CCDC83: variants seen among roughly 807,000 people sequenced by gnomAD.
CCDC83 encodes coiled-coil domain-containing protein 83.
CCDC83 carries 54 observed loss-of-function variants against 50.1 expected under a neutral mutation model. That is an observed-to-expected ratio of 1.08 (90% CI 0.87 to 1.35). The LOEUF is 1.35. Among genes scored for constraint, CCDC83 ranks in the 40% most tolerant of loss-of-function variants. The probability of loss-of-function intolerance (pLI) is 0.00; values close to 1 mark genes in which losing one functional copy is unlikely to be tolerated. For missense variants in CCDC83, 518 were observed against 473.9 expected, an observed-to-expected ratio of 1.09 and a Z score of -0.86; for synonymous variants, 161 against 153.3, an observed-to-expected ratio of 1.05 and a Z score of -0.37.
intron 7 of CCDC83, among the ~76,000 whole-genome samples, chr11:85,904,438 A>G (rs769706926): frequency 2.0e-5 from 3 of 152,308 alleles, no homozygotes; most frequent in Admixed American, 6.5e-5. Context: ...ATCTAGCCCA[A>G]TCTACCCTTC....
chr11:85,860,501 T>G (rs1238863701), intron 1 of CCDC83, among the ~76,000 whole-genome samples: 2 of 152,084 alleles, frequency 1.3e-5, no homozygotes, highest in Admixed American at 1.3e-4. Flanking sequence ...CAACAGATGC[T>G]GGTGAGGTTT....
intron 1 of CCDC83, among the ~76,000 whole-genome samples, chr11:85,862,666 T>C (rs1005058423): frequency 8.5e-5 from 13 of 152,194 alleles, no homozygotes; most frequent in Non-Finnish European, 1.6e-4. Flanking sequence ...TGCTTTTACT[T>C]TGTGAATATT....
intron 7 of CCDC83, among the ~76,000 whole-genome samples, chr11:85,909,063 A>G (rs2093440103): frequency 6.6e-6 from 1 of 152,224 alleles, no homozygotes. Context: ...TCTCTCAAGT[A>G]GTGGGGACTA....
Position 85,864,063 on chromosome 11 carries a change from A to G in CCDC83, c.-28-1033A>G, listed in dbSNP as rs567913148. ...AAGTAACCTATTCAGGGTCACAGAG[A>G]TAACAGTGATGGATCTAGGATTAAA... On this transcript the variant is annotated intron_variant, in intron 1 of 10. Transcript: ENST00000342404. 8.5e-5 allele frequency among the ~76,000 whole-genome samples: 13 copies of G among 152,336 alleles called. 1 individual carries two copies. The highest frequency in any genetic ancestry group is 7.7e-4 in the East Asian group (4 of 5,188).
chr11:85,911,335 G>T lies in CCDC83; in HGVS notation c.727G>T (p.Glu243Ter), dbSNP rs1425675399. The part of the protein sequence containing the change: ...EELKNAIHEL[E>*]AENLVLIDQL... Reference sequence around the variant, plus strand: ...ATTAAAAAATGCTATTCATGAACTGGAAGCAGAAAATTTGGTGCTTATTGA... The same window carrying T: ...ATTAAAAAATGCTATTCATGAACTGTAAGCAGAAAATTTGGTGCTTATTGA... Residue 243 changes from glutamate (E) to a stop codon, truncating the protein, a stop_gained, in exon 8 of 11, where the codon GAA (glutamate) becomes TAA (stop). Coordinates refer to ENST00000342404, the MANE Select transcript of CCDC83 (RefSeq NM_001286159.2). LOFTEE classifies it high-confidence loss of function. 7 of 1,611,500 alleles carry T rather than the reference G, an allele frequency of 4.3e-6. No individual in the cohort carries two copies. The highest frequency in any genetic ancestry group is 5.9e-6 in the Non-Finnish European group (7 of 1,178,778).
rs193154301 is a variant in CCDC83 at position 85,891,059 on chromosome 11, T to C, written c.512-4234T>C. On this transcript the variant is annotated intron_variant, in intron 5 of 10. Transcript: ENST00000342404. ...ATGATATCAGCGGTGGTTCTAGGCA[T>C]GGCTCCTCCCCACATTTCTCTCCCC... Among the ~76,000 whole-genome samples the C allele has an allele frequency of 1.6e-3, 239 of 152,274 alleles. 1 individual carries two copies. Among genetic ancestry groups the C allele is most frequent in the African/African-American group, 4.6e-3 (190 of 41,570 alleles).
In CCDC83 at chr11:85,919,686, T is replaced by C. The variant is rs2093499531; in HGVS notation, c.*176T>C. 7.0e-6 allele frequency: 4 copies of C among 575,128 alleles called. No homozygotes were observed. The highest frequency in any genetic ancestry group is 1.2e-5 in the Non-Finnish European group (4 of 330,728). 35.6% of individuals were successfully genotyped at this position (575,128 alleles called of 1,614,324 possible). A position where few individuals can be genotyped will look rare whatever the true frequency, so the allele number is the denominator to read the frequency against. On this transcript the variant is annotated 3_prime_UTR_variant, in exon 11 of 11. Coordinates refer to ENST00000342404, the MANE Select transcript of CCDC83 (RefSeq NM_001286159.2). ...TTCAGCTATTCATTTACTTGCATGG[T>C]ATGAGTGACCAAAACGGAAGCACGC...
chr11:85,867,729 G>C (rs2093215596), intron 2 of CCDC83, among the ~76,000 whole-genome samples: 1 of 152,006 alleles, frequency 6.6e-6, no homozygotes, highest in South Asian at 2.1e-4. Flanking sequence ...CTCTCTTTTG[G>C]GTGGACCAGA....
chr11:85,862,120 C>T (rs1012687659), intron 1 of CCDC83, among the ~76,000 whole-genome samples: 3 of 151,196 alleles, frequency 2.0e-5, no homozygotes, highest in Non-Finnish European at 4.4e-5. Context: ...TTTGCAGAGC[C>T]AAAGCAGTAT....
chr11:85,886,400 A>G (rs2093327213), intron 5 of CCDC83, 33 bp downstream of exon 5: 2 of 1,541,676 alleles, frequency 1.3e-6, no homozygotes, highest in South Asian at 1.3e-5. Context: ...CAAGTTCAGT[A>G]AAAAACATCT....
Position 85,889,117 on chromosome 11 carries a change from C to A in CCDC83, c.511+2750C>A, listed in dbSNP as rs543400433. On this transcript the variant is annotated intron_variant, in intron 5 of 10. Transcript: ENST00000342404. Reference sequence around the variant, plus strand: ...CTGTAATACCAGCATTTTGGGGGGTCCACGGTGGATGGGTCACCTGAGCTC... The same window carrying A: ...CTGTAATACCAGCATTTTGGGGGGTACACGGTGGATGGGTCACCTGAGCTC... Among the ~76,000 whole-genome samples, 10 of 152,264 alleles carry A rather than the reference C, an allele frequency of 6.6e-5. 1 individual carries two copies. The South Asian group carries it at 2.1e-3, about 32-fold the overall frequency.
At chr11:85,888,558 A>G (rs2093337580) in intron 5 of CCDC83, among the ~76,000 whole-genome samples, 1 of 152,070 alleles carries the variant, frequency 6.6e-6, no homozygotes, top group Non-Finnish European at 1.5e-5. Flanking sequence ...TATTTTTCCC[A>G]TTTGTCATTA....
In CCDC83 at chr11:85,890,403, C is replaced by T. The variant is rs150375287; in HGVS notation, c.511+4036C>T. 5.8e-4 allele frequency among the ~76,000 whole-genome samples: 88 copies of T among 152,008 alleles called. 1 individual carries two copies. The highest frequency in any genetic ancestry group is 6.8e-3 in the Middle Eastern group (2 of 294). On this transcript the variant is annotated intron_variant, in intron 5 of 10. Coordinates refer to ENST00000342404, the MANE Select transcript of CCDC83 (RefSeq NM_001286159.2). ...GACAGCTGACTAGGGTGTTGGGGGCCGGTGATAGGTCCCCAACAGAAAAAC... is the reference window on the plus strand; with the variant it reads ...GACAGCTGACTAGGGTGTTGGGGGCTGGTGATAGGTCCCCAACAGAAAAAC...
intron 10 of CCDC83, 178 bp downstream of exon 10, chr11:85,916,411 C>T: frequency 1.7e-6 from 1 of 600,020 alleles, no homozygotes; most frequent in Non-Finnish European, 2.9e-6. Flanking sequence ...CCTACTCTTG[C>T]CCAATTTGCT....
intron 2 of CCDC83, among the ~76,000 whole-genome samples, chr11:85,872,581 A>T (rs57015267): frequency 0.029 from 4,372 of 152,234 alleles, 202 homozygotes; most frequent in African/African-American, 0.1. Flanking sequence ...CATGCCTGGC[A>T]CATGTTTAAA....
intron 2 of CCDC83, among the ~76,000 whole-genome samples, chr11:85,869,073 G>A (rs1758673098): frequency 6.6e-6 from 1 of 152,174 alleles, no homozygotes; most frequent in Non-Finnish European, 1.5e-5. Flanking sequence ...TTTGCCTGTT[G>A]ATACAGGAAA....
chr11:85,892,483 A>T (rs1765220461), intron 5 of CCDC83, among the ~76,000 whole-genome samples: 1 of 152,220 alleles, frequency 6.6e-6, no homozygotes, highest in Non-Finnish European at 1.5e-5. Flanking sequence ...TTTATATGGA[A>T]GTTGGAAGAG....
Position 85,861,998 on chromosome 11 carries a change from TAAAAAAAAAA to T in CCDC83, c.-28-3084_-28-3075del, listed in dbSNP as rs34372795. On this transcript the variant is annotated intron_variant, in intron 1 of 10. Transcript: ENST00000342404. ...GCGACGGAGCCAGACCCTGTCTCAT[TAAAAAAAAAA>T]AAAAAAAAAAAAAGAGAGTCATTTA... 5.3e-5 allele frequency among the ~76,000 whole-genome samples: 5 copies of T among 94,814 alleles called. No homozygotes were observed. In the East Asian group the frequency reaches 1.3e-3, roughly 24 times the overall value. 62.2% of individuals were successfully genotyped at this position (94,814 alleles called of 152,430 possible). A position where few individuals can be genotyped will look rare whatever the true frequency, so the allele number is the denominator to read the frequency against.
chr11:85,883,505 C>A (rs886672462), intron 4 of CCDC83, among the ~76,000 whole-genome samples: 9 of 151,994 alleles, frequency 5.9e-5, no homozygotes, highest in African/African-American at 2.2e-4. Flanking sequence ...TAGGTGCAGG[C>A]AATGAAAGAC....
Sources: allele counts gnomAD v4.1 joint callset (sites outside exome capture counted in the v4.1 genomes callset), GRCh38; gene constraint gnomAD v4.1.1; transcripts MANE v1.5; gene names NCBI Gene and HGNC (gene_info 2026-07-23, HGNC 2026-07-21).